Variants in ROBO1 observed in about 807,000 individuals in gnomAD.
ROBO1 encodes the protein roundabout guidance receptor 1.
In ROBO1, 149 loss-of-function variants were observed where a neutral mutation model predicts 195.9. The ratio of observed to expected loss-of-function variants is 0.76; its 90% CI spans 0.67 to 0.87. The LOEUF (loss-of-function observed/expected upper bound fraction) is 0.87, where lower values mean the gene tolerates loss of function less well. Among genes scored for constraint, ROBO1 ranks in the 40% least tolerant of loss-of-function variants. ROBO1 has a pLI of 0.00. For synonymous variants in ROBO1, 816 were observed against 733.2 expected (o/e 1.11, Z -1.82); for missense variants, 1,933 against 2,068.3 (o/e 0.93, Z 1.27).
intron 3 of ROBO1, among the ~76,000 whole-genome samples, chr3:79,065,946 T>C (rs1477461722): frequency 6.6e-6 from 1 of 151,908 alleles, no homozygotes; most frequent in African/African-American, 2.4e-5. Flanking sequence ...CCCTAAGGAA[T>C]TGATGAATTT....
At chr3:79,684,448 C>T (rs1442339981) in intron 1 of ROBO1, among the ~76,000 whole-genome samples, 1 of 151,860 alleles carries the variant, frequency 6.6e-6, no homozygotes, top group African/African-American at 2.4e-5. Flanking sequence ...CATATTTTCC[C>T]ACTTAACTTT....
chr3:79,516,552 C>G (rs1376761218), intron 2 of ROBO1, among the ~76,000 whole-genome samples: 4 of 152,102 alleles, frequency 2.6e-5, no homozygotes, highest in African/African-American at 9.7e-5. Flanking sequence ...TTGCCATAGT[C>G]TCTTTGTTTA....
At chr3:79,278,049 G>A (rs975349975) in intron 2 of ROBO1, among the ~76,000 whole-genome samples, 5 of 151,842 alleles carry the variant, frequency 3.3e-5, no homozygotes, top group African/African-American at 1.2e-4. Context: ...AAATCAGTAA[G>A]ACAATCCTAT....
At chr3:79,018,444 A>G (rs747049977) in intron 3 of ROBO1, 1 of 1,613,898 alleles carries the variant, frequency 6.2e-7, no homozygotes, top group Non-Finnish European at 8.5e-7. Flanking sequence ...GGTAAAAGTG[A>G]GCGGGCTCCG....
chr3:78,786,452 T>C (rs2083837507), intron 4 of ROBO1, among the ~76,000 whole-genome samples: 1 of 152,184 alleles, frequency 6.6e-6, no homozygotes, highest in Non-Finnish European at 1.5e-5. Flanking sequence ...TATTATTTTA[T>C]TTAATCCTCA....
chr3:78,869,088 T>C (rs1408359952), intron 4 of ROBO1, among the ~76,000 whole-genome samples: 1 of 152,148 alleles, frequency 6.6e-6, no homozygotes. Flanking sequence ...AAATAAGCAT[T>C]ATAGTTTTTT....
At chr3:79,735,522 G>A (rs1703340827) in intron 1 of ROBO1, among the ~76,000 whole-genome samples, 1 of 152,170 alleles carries the variant, frequency 6.6e-6, no homozygotes, top group Non-Finnish European at 1.5e-5. Context: ...GCTTTAAAAT[G>A]AATAGATGTC....
rs145484195 is a variant in ROBO1 at position 78,676,384 on chromosome 3, C to A, written c.1343-6083G>T. The stretch of plus-strand genomic sequence containing the variant: ...CAGACGATCAAACTACTCCGAGCTA[C>A]ACAAGGAAATTCAAACCCAAGGCAA... On this transcript the variant is annotated intron_variant, in intron 10 of 30. Coordinates refer to ENST00000464233, the MANE Select transcript of ROBO1 (RefSeq NM_002941.4). 4.7e-3 allele frequency among the ~76,000 whole-genome samples: 716 copies of A among 152,188 alleles called. 9 individuals are homozygous for A. The highest frequency in any genetic ancestry group is 0.015 in the African/African-American group (628 of 41,540).
chr3:78,915,937 C>T (rs2038537250), intron 4 of ROBO1, among the ~76,000 whole-genome samples: 1 of 152,144 alleles, frequency 6.6e-6, no homozygotes, highest in Admixed American at 6.5e-5. Context: ...GTGCGAGAGC[C>T]GCTGTGCCCA....
chr3:78,711,431 CTTT>C lies in ROBO1; in HGVS notation c.1045+2963_1045+2965del, dbSNP rs1559773960. Among the ~76,000 whole-genome samples the C allele has an allele frequency of 5.9e-4, 67 of 114,242 alleles. 1 individual carries two copies. Among genetic ancestry groups the C allele is most frequent in the African/African-American group, 2.4e-3 (61 of 25,488 alleles). The allele number at this position is 114,242 out of a possible 152,430, so 74.9% of individuals were successfully genotyped here. A position where few individuals can be genotyped will look rare whatever the true frequency, so the allele number is the denominator to read the frequency against. Reference sequence around the variant, plus strand: ...TCTTTCTTTCTTTCTTTCTTTCTTTCTTTCTTTCTTTCCTTCCTTCCTTCCTTC... The same window carrying C: ...TCTTTCTTTCTTTCTTTCTTTCTTTCCTTTCTTTCCTTCCTTCCTTCCTTC... On this transcript the variant is annotated intron_variant, in intron 8 of 30. Coordinates refer to ENST00000464233, the MANE Select transcript of ROBO1 (RefSeq NM_002941.4).
chr3:79,353,037 C>T (rs1169402440), intron 2 of ROBO1, among the ~76,000 whole-genome samples: 1 of 152,120 alleles, frequency 6.6e-6, no homozygotes, highest in African/African-American at 2.4e-5. Context: ...TCTTATAACA[C>T]TAACTCTTTA....
intron 1 of ROBO1, among the ~76,000 whole-genome samples, chr3:79,722,620 A>G (rs1560132156): frequency 6.6e-6 from 1 of 152,194 alleles, no homozygotes; most frequent in African/African-American, 2.4e-5. Flanking sequence ...AAGATAATCT[A>G]TAACTTTCAG....
intron 2 of ROBO1, among the ~76,000 whole-genome samples, chr3:79,570,719 T>A (rs1025323632): frequency 1.3e-5 from 2 of 152,186 alleles, no homozygotes; most frequent in Non-Finnish European, 2.9e-5. Flanking sequence ...GTGTATTAGG[T>A]ATGATATTCC....
At chr3:78,616,606 G>A (rs1012027889) in intron 27 of ROBO1, among the ~76,000 whole-genome samples, 1 of 152,072 alleles carries the variant, frequency 6.6e-6, no homozygotes, top group Admixed American at 6.5e-5. Context: ...GACTACCAAT[G>A]TGGTAGTTAT....
At chr3:79,170,833 A>G (rs1394560482) in intron 2 of ROBO1, among the ~76,000 whole-genome samples, 1 of 152,066 alleles carries the variant, frequency 6.6e-6, no homozygotes, top group East Asian at 1.9e-4. Flanking sequence ...CTTTATTTGC[A>G]TGTTGAATAC....
chr3:79,667,747 A>C (rs1057047319), intron 1 of ROBO1, among the ~76,000 whole-genome samples: 12 of 151,738 alleles, frequency 7.9e-5, no homozygotes, highest in Non-Finnish European at 1.5e-5. Context: ...TATCATTGTG[A>C]GTATTCTTAG....
chr3:79,672,267 A>G (rs577468089), intron 1 of ROBO1, among the ~76,000 whole-genome samples: 1 of 151,996 alleles, frequency 6.6e-6, no homozygotes, highest in African/African-American at 2.4e-5. Context: ...GTTCACACAC[A>G]CTAACACCTT....
intron 4 of ROBO1, among the ~76,000 whole-genome samples, chr3:78,926,981 A>G (rs2039257639): frequency 6.6e-6 from 1 of 152,154 alleles, no homozygotes; most frequent in Admixed American, 6.5e-5. Context: ...AGGAAAGAGA[A>G]TATTTCAAAA....
rs1490012359 is a variant in ROBO1, at chr3:79,301,472, G to A, written c.89-175933C>T. Among the ~76,000 whole-genome samples, 5 of 152,146 alleles carry A rather than the reference G, an allele frequency of 3.3e-5. No individual in the cohort carries two copies. In the East Asian group the frequency reaches 9.6e-4, roughly 29 times the overall value. On this transcript the variant is annotated intron_variant, in intron 2 of 30. Transcript: ENST00000464233. ...AAGTAATTCCTTTATGTTAAGCAAT[G>A]CCCCTTATTTGTAACAATTTGAAAT...
Sources: allele counts gnomAD v4.1 joint callset (sites outside exome capture counted in the v4.1 genomes callset), GRCh38; gene constraint gnomAD v4.1.1; transcripts MANE v1.5; gene names NCBI Gene and HGNC (gene_info 2026-07-23, HGNC 2026-07-21).